The following FA2H variants were observed in gnomAD, a reference collection of about 807,000 sequenced individuals.
FA2H encodes the protein fatty acid 2-hydroxylase, also known as fatty acid alpha-hydroxylase.
A neutral mutation model predicts 44.9 loss-of-function variants in FA2H; 22 were observed. The ratio of observed to expected loss-of-function variants is 0.49; its 90% CI spans 0.35 to 0.70. The LOEUF is 0.70. Among genes scored for constraint, FA2H ranks in the 30% least tolerant of loss-of-function variants. The pLI is 0.01. For missense variants in FA2H, 501 were observed against 504.9 expected (o/e 0.99, Z 0.07); for synonymous variants, 243 against 213.2 (o/e 1.14, Z -1.22).
intron 2 of FA2H, among the ~76,000 whole-genome samples, chr16:74,735,970 G>A (rs1387146363): frequency 1.3e-5 from 2 of 152,168 alleles, no homozygotes; most frequent in Non-Finnish European, 2.9e-5. Context: ...GTAACAGAGT[G>A]AGAACCTGTC....
chr16:74,770,582 G>C (rs1215824880), intron 1 of FA2H, among the ~76,000 whole-genome samples: 3 of 152,166 alleles, frequency 2.0e-5, no homozygotes, highest in Non-Finnish European at 2.9e-5. Context: ...TGTTGCCCAG[G>C]CTGGTCTCGA....
chr16:74,716,435 G>A lies in FA2H; in HGVS notation c.951C>T (p.Tyr317=), dbSNP rs557612137. Residue 317 remains tyrosine, a synonymous_variant, in exon 6 of 7, where the codon TAC becomes TAT. Coordinates refer to ENST00000219368, the MANE Select transcript of FA2H (RefSeq NM_024306.5). ...CCTTGTGCGGCGAGCCAAAGTGCAG[G>A]TAGTAATGGGTCATGTCATAGAGGA... The part of the protein sequence containing the change: ...GYVLYDMTHY[Y]LHFGSPHKGS... 1.2e-6 allele frequency: 2 copies of A among 1,614,058 alleles called. No homozygotes were observed. Among genetic ancestry groups the A allele is most frequent in the Non-Finnish European group, 1.7e-6 (2 of 1,180,014 alleles).
rs201162733 is a variant in FA2H at position 74,727,313 on chromosome 16, T to C, written c.437A>G (p.His146Arg). ...GCGGATGGGCCTGGTCACCGGCTGGTGAACCCACTCATCGTACTTCTCTCC... is the reference window on the plus strand; with the variant it reads ...GCGGATGGGCCTGGTCACCGGCTGGCGAACCCACTCATCGTACTTCTCTCC... ...HLGEKYDEWVHQPVTRPIRLF... is the reference protein window; with the variant it reads ...HLGEKYDEWVRQPVTRPIRLF... Residue 146 changes from histidine to arginine, a missense_variant, in exon 3 of 7, where the codon CAC (histidine) becomes CGC (arginine). Physicochemically the swap from His to Arg is conservative, Grantham distance 29. Coordinates refer to ENST00000219368, the MANE Select transcript of FA2H (RefSeq NM_024306.5). The C allele has an allele frequency of 6.2e-7, 1 of 1,609,508 alleles. No individual in the cohort carries two copies. The highest frequency in any genetic ancestry group is 1.3e-5 in the African/African-American group (1 of 74,926).
chr16:74,740,339 G>A (rs1041534572), intron 1 of FA2H, among the ~76,000 whole-genome samples: 2 of 151,988 alleles, frequency 1.3e-5, no homozygotes, highest in South Asian at 2.1e-4. Context: ...ATTTCCAGCC[G>A]GGCGCAGTGG....
intron 4 of FA2H, among the ~76,000 whole-genome samples, chr16:74,722,725 C>A (rs1231174076): frequency 6.6e-6 from 1 of 151,854 alleles, no homozygotes; most frequent in African/African-American, 2.4e-5. Context: ...CCAGCCTGAC[C>A]AACATGGAGA....
chr16:74,746,689 C>T (rs1232064641), intron 1 of FA2H, among the ~76,000 whole-genome samples: 1 of 152,230 alleles, frequency 6.6e-6, no homozygotes, highest in Non-Finnish European at 1.5e-5. Context: ...TGCAGGCCTC[C>T]TGCTCCCTGG....
At chr16:74,733,407 A>G (rs926878894) in intron 2 of FA2H, among the ~76,000 whole-genome samples, 14 of 151,920 alleles carry the variant, frequency 9.2e-5, no homozygotes, top group Non-Finnish European at 2.1e-4. Context: ...GGCTCTTGAG[A>G]TAGGATTGGT....
chr16:74,759,008 C>A (rs148524188), intron 1 of FA2H, among the ~76,000 whole-genome samples: 3 of 152,330 alleles, frequency 2.0e-5, no homozygotes, highest in African/African-American at 7.2e-5. Context: ...TCATGAGTCA[C>A]CTTGGTCCCC....
At chr16:74,715,815 C>CTT (rs536329308) in intron 6 of FA2H, among the ~76,000 whole-genome samples, 19 of 136,366 alleles carry the variant, frequency 1.4e-4, no homozygotes, top group Admixed American at 1.5e-4. Flanking sequence ...TCTTCTTCTT[C>CTT]TTTTTTTTTT....
At chr16:74,733,486 A>G (rs1195214756) in intron 2 of FA2H, among the ~76,000 whole-genome samples, 3 of 152,066 alleles carry the variant, frequency 2.0e-5, no homozygotes. Context: ...GTTTCCCAAG[A>G]GCTGGGACTG....
intron 1 of FA2H, among the ~76,000 whole-genome samples, chr16:74,757,132 C>A (rs1962626876): frequency 6.6e-6 from 1 of 151,712 alleles, no homozygotes; most frequent in Non-Finnish European, 1.5e-5. Context: ...TACCCTTTAC[C>A]TCTAAGGAGA....
intron 4 of FA2H, 129 bp from the exon 5 acceptor site, chr16:74,719,289 C>A (rs1961778955): frequency 9.1e-6 from 7 of 769,022 alleles, no homozygotes; most frequent in Non-Finnish European, 1.5e-5. Context: ...CAGGGCCAGG[C>A]CATACTGCTG....
intron 1 of FA2H, among the ~76,000 whole-genome samples, chr16:74,741,829 T>TGTGTGTGC (rs1555539927): frequency 5.7e-4 from 51 of 90,242 alleles, no homozygotes; most frequent in Non-Finnish European, 8.1e-4. Flanking sequence ...TGTGTGTGTG[T>TGTGTGTGC]GTGTGTGTAT....
At chr16:74,745,791 G>T (rs1962409545) in intron 1 of FA2H, among the ~76,000 whole-genome samples, 1 of 143,518 alleles carries the variant, frequency 7.0e-6, no homozygotes. Flanking sequence ...TCGAGTCACT[G>T]TCAATGGATT....
Position 74,719,063 on chromosome 16 carries a change from C to A in FA2H, c.711G>T (p.Leu237=). 1 of 1,614,054 alleles carries A rather than the reference C, an allele frequency of 6.2e-7. No homozygotes were observed. The highest frequency in any genetic ancestry group is 2.2e-5 in the East Asian group (1 of 44,872). ...SLIEYLIHRF[L]FHMKPPSDSY... ...TGTCGCTGGGGGGCTTCATGTGGAA[C>A]AGGAAGCGGTGGATGAGGTACTCGA... The change falls in exon 5 of 7, where the codon CTG becomes CTT. Residue 237 remains leucine, a synonymous_variant. Transcript: ENST00000219368.
At chr16:74,723,978 T>C (rs928267192) in intron 4 of FA2H, among the ~76,000 whole-genome samples, 1 of 152,166 alleles carries the variant, frequency 6.6e-6, no homozygotes, top group African/African-American at 2.4e-5. Context: ...CCTGGCTCAC[T>C]GCAACCTCTG....
intron 1 of FA2H, among the ~76,000 whole-genome samples, chr16:74,751,075 G>A (rs939467424): frequency 6.6e-6 from 1 of 151,608 alleles, no homozygotes; most frequent in African/African-American, 2.4e-5. Flanking sequence ...GAGCTACTGT[G>A]CCTGGTCCCA....
chr16:74,749,182 G>C (rs1245750224), intron 1 of FA2H, among the ~76,000 whole-genome samples: 2 of 152,218 alleles, frequency 1.3e-5, no homozygotes, highest in East Asian at 3.9e-4. Context: ...TTTGGTAAAA[G>C]CTTTCGGCTG....
intron 1 of FA2H, among the ~76,000 whole-genome samples, chr16:74,752,204 CT>C (rs1292451373): frequency 1.3e-5 from 2 of 152,204 alleles, no homozygotes. Flanking sequence ...AACTCTCTTG[CT>C]GCTTCCACTC....
Sources: allele counts gnomAD v4.1 joint callset (sites outside exome capture counted in the v4.1 genomes callset), GRCh38; gene constraint gnomAD v4.1.1; transcripts MANE v1.5; gene names NCBI Gene and HGNC (gene_info 2026-07-23, HGNC 2026-07-21).